The following CAST variants were observed in gnomAD, a reference collection of about 807,000 sequenced individuals.
CAST encodes the protein calpastatin.
Under a neutral mutation model 119.6 loss-of-function variants are expected in CAST, and 76 were observed. That is an observed-to-expected ratio of 0.64 (90% CI 0.53 to 0.77). The LOEUF (loss-of-function observed/expected upper bound fraction) is 0.77, where lower values mean the gene tolerates loss of function less well. Ranked by LOEUF, CAST falls within the 30% of genes least tolerant of loss-of-function variation. The pLI is 0.00. For missense variants in CAST, 953 were observed against 946.5 expected (o/e 1.01, Z -0.09); for synonymous variants, 319 against 331.6 (o/e 0.96, Z 0.41).
chr5:96,760,877 A>G (rs985918229), intron 24 of CAST: 8 of 151,958 alleles, frequency 5.3e-5, no homozygotes, highest in African/African-American at 7.2e-5. Flanking sequence ...AAATTATTCA[A>G]TGATACATTC....
At chr5:96,170,695 G>A in the CAST span, among the ~76,000 whole-genome samples, 1 of 152,152 alleles carries the variant, frequency 6.6e-6, no homozygotes, top group Non-Finnish European at 1.5e-5. Context: ...CCATGAACTG[G>A]GCTGGGTTTT....
the CAST span, among the ~76,000 whole-genome samples, chr5:96,112,103 A>T: frequency 1.3e-5 from 2 of 151,672 alleles, no homozygotes; most frequent in African/African-American, 4.8e-5. Context: ...TCAATTATTA[A>T]TATATTCTCA....
the CAST span, among the ~76,000 whole-genome samples, chr5:96,267,343 A>C: frequency 6.6e-6 from 1 of 152,228 alleles, no homozygotes; most frequent in Non-Finnish European, 1.5e-5. Flanking sequence ...CAACAAACAG[A>C]TTTGACCCAA....
the CAST span, among the ~76,000 whole-genome samples, chr5:96,173,370 G>A: frequency 1.3e-5 from 2 of 152,178 alleles, no homozygotes; most frequent in Non-Finnish European, 2.9e-5. Context: ...AAATATTTTT[G>A]TACTCTGACA....
At chr5:96,345,721 G>T in the CAST span, among the ~76,000 whole-genome samples, 32 of 152,092 alleles carry the variant, frequency 2.1e-4, no homozygotes, top group African/African-American at 7.5e-4. Context: ...GCTATGGGTG[G>T]GATTCAGTTC....
chr5:96,227,536 G>A, the CAST span, among the ~76,000 whole-genome samples: 2 of 152,144 alleles, frequency 1.3e-5, no homozygotes, highest in Non-Finnish European at 2.9e-5. Flanking sequence ...TTAGGGAAGG[G>A]GAGAGACTGT....
chr5:96,295,059 C>CT, the CAST span, among the ~76,000 whole-genome samples: 1 of 152,212 alleles, frequency 6.6e-6, no homozygotes, highest in African/African-American at 2.4e-5. Flanking sequence ...GGAAAAGCTG[C>CT]TTCCCTGTAT....
At chr5:96,756,282 A>G (rs1047267572) in intron 22 of CAST, among the ~76,000 whole-genome samples, 3 of 152,170 alleles carry the variant, frequency 2.0e-5, no homozygotes, top group Non-Finnish European at 2.9e-5. Context: ...AAGTGCTCCC[A>G]GAGTCCCAGG....
the CAST span, among the ~76,000 whole-genome samples, chr5:95,994,014 C>T: frequency 1.3e-5 from 2 of 152,010 alleles, no homozygotes; most frequent in African/African-American, 4.8e-5. Context: ...AAAAGCCTGG[C>T]AATCTCAAGC....
chr5:96,519,804 G>A, the CAST span, among the ~76,000 whole-genome samples: 4 of 152,096 alleles, frequency 2.6e-5, no homozygotes, highest in East Asian at 1.9e-4. Context: ...ATGGGGTTTC[G>A]CCATGTTGGC....
At chr5:95,977,476 C>G in the CAST span, among the ~76,000 whole-genome samples, 8 of 152,184 alleles carry the variant, frequency 5.3e-5, no homozygotes, top group Admixed American at 5.2e-4. Context: ...GCTTATGCTT[C>G]CTGTCCTTTC....
the CAST span, among the ~76,000 whole-genome samples, chr5:96,371,045 C>A: frequency 2.0e-5 from 3 of 152,126 alleles, no homozygotes; most frequent in Admixed American, 1.3e-4. Context: ...TACATAAGGG[C>A]CCATGAAATA....
the CAST span, among the ~76,000 whole-genome samples, chr5:96,304,798 C>T: frequency 2.0e-5 from 3 of 152,082 alleles, no homozygotes; most frequent in South Asian, 6.2e-4. Context: ...TGTTCTGTTC[C>T]ATTGGTCTAT....
At chr5:96,140,841 A>G in the CAST span, among the ~76,000 whole-genome samples, 419 of 152,262 alleles carry the variant, frequency 2.8e-3, 1 homozygote, top group African/African-American at 9.6e-3. Flanking sequence ...CTATCAATTT[A>G]TCCTTGTTCA....
At chr5:96,006,216 G>A in the CAST span, among the ~76,000 whole-genome samples, 1 of 152,192 alleles carries the variant, frequency 6.6e-6, no homozygotes, top group Admixed American at 6.5e-5. Flanking sequence ...TTGGAGATGG[G>A]GTGGTCAATG....
intron 3 of CAST, chr5:96,702,649 T>C (rs1407660281): frequency 4.5e-6 from 2 of 440,460 alleles, no homozygotes; most frequent in East Asian, 1.6e-4. Context: ...GGCTGCGTTA[T>C]TGAGTGAGCC....
intron 1 of CAST, among the ~76,000 whole-genome samples, chr5:96,588,623 A>C (rs926235100): frequency 1.3e-5 from 2 of 152,220 alleles, no homozygotes; most frequent in African/African-American, 4.8e-5. Flanking sequence ...ATGAAATTAC[A>C]ATAAGATGGC....
intron 3 of CAST, among the ~76,000 whole-genome samples, chr5:96,717,426 G>T (rs1010675053): frequency 3.2e-4 from 48 of 152,320 alleles, no homozygotes; most frequent in African/African-American, 1.1e-3. Flanking sequence ...GGAAGGGAGT[G>T]TGATGGTGAT....
chr5:96,412,205 TTTG>T, the CAST span: 1 of 968,384 alleles, frequency 1.0e-6, no homozygotes, highest in Non-Finnish European at 1.7e-6. Context: ...TGTAAAGGAC[TTTG>T]TTAAGAAATC....
Sources: allele counts gnomAD v4.1 joint callset (sites outside exome capture counted in the v4.1 genomes callset), GRCh38; gene constraint gnomAD v4.1.1; transcripts MANE v1.5; gene names NCBI Gene and HGNC (gene_info 2026-07-23, HGNC 2026-07-21).